Variants in NFX1 observed in about 807,000 individuals in gnomAD.
NFX1 encodes nuclear transcription factor, X-box binding 1.
In NFX1, 69 loss-of-function variants were observed where a neutral mutation model predicts 137.2. The ratio of observed to expected loss-of-function variants is 0.50; its 90% CI spans 0.41 to 0.61. The LOEUF (loss-of-function observed/expected upper bound fraction) is 0.61, where lower values mean the gene tolerates loss of function less well. Ranked by LOEUF, NFX1 falls within the 20% of genes least tolerant of loss-of-function variation. The pLI, the probability that NFX1 is intolerant of heterozygous loss-of-function variation, is 0.00. For missense variants in NFX1, 1,167 were observed against 1,391.0 expected (o/e 0.84, Z 2.56); for synonymous variants, 495 against 474.1 (o/e 1.04, Z -0.57).
chr9:33,349,968 C>A (rs1823575636), intron 15 of NFX1, among the ~76,000 whole-genome samples: 1 of 152,032 alleles, frequency 6.6e-6, no homozygotes, highest in African/African-American at 2.4e-5. Flanking sequence ...GATTGTGCAA[C>A]TGCCCTCCAG....
At chr9:33,309,278 A>C (rs1053349681) in intron 5 of NFX1, among the ~76,000 whole-genome samples, 1 of 151,696 alleles carries the variant, frequency 6.6e-6, no homozygotes, top group Non-Finnish European at 1.5e-5. Flanking sequence ...AATGGCGTGA[A>C]CCCGGGAGGC....
Position 33,354,203 on chromosome 9 carries a change from C to G in NFX1, c.2831+16C>G. On this transcript the variant is annotated intron_variant, in intron 18 of 23. Coordinates refer to ENST00000379540, the MANE Select transcript of NFX1 (RefSeq NM_002504.6). ...ATCAAGCCAGGTAATTTTTAAAATGCATATATGTGCCTTCTTTCTTCAATT... is the reference window on the plus strand; with the variant it reads ...ATCAAGCCAGGTAATTTTTAAAATGGATATATGTGCCTTCTTTCTTCAATT... 1.3e-6 allele frequency: 2 copies of G among 1,579,334 alleles called. No individual in the cohort carries two copies. Among genetic ancestry groups the G allele is most frequent in the Non-Finnish European group, 1.7e-6 (2 of 1,156,532 alleles).
At chr9:33,329,629 A>G (rs115754671) in intron 10 of NFX1, among the ~76,000 whole-genome samples, 1,507 of 140,604 alleles carry the variant, frequency 0.011, 19 homozygotes, top group African/African-American at 0.037. Flanking sequence ...GAAAGCCTGG[A>G]TGGTTTTTAT....
rs1408956520 is a variant in NFX1 at position 33,311,414 on chromosome 9, A to G, written c.1448+237A>G. 6.6e-5 allele frequency among the ~76,000 whole-genome samples: 10 copies of G among 152,374 alleles called. No individual in the cohort carries two copies. In the South Asian group the frequency reaches 1.9e-3, roughly 28 times the overall value. ...GGCAACTTGAGAGACCAAATGTGCC[A>G]TGGATAGTACTTTTCTGTAACTAGT... On this transcript the variant is annotated intron_variant, in intron 6 of 23. Coordinates refer to ENST00000379540, the MANE Select transcript of NFX1 (RefSeq NM_002504.6).
intron 16 of NFX1, 112 bp downstream of exon 16, chr9:33,351,902 T>C: frequency 1.0e-6 from 1 of 953,944 alleles, no homozygotes; most frequent in East Asian, 2.8e-5. Context: ...GGGTCATTGG[T>C]TGCAAATAAC....
Position 33,311,024 on chromosome 9 carries a change from C to T in NFX1, c.1377-82C>T, listed in dbSNP as rs1043719979. 4.3e-5 allele frequency: 54 copies of T among 1,252,828 alleles called. No homozygotes were observed. In the Middle Eastern group the frequency reaches 2.1e-3, roughly 49 times the overall value. The allele number at this position is 1,252,828 out of a possible 1,614,324, so 77.6% of individuals were successfully genotyped here. On this transcript the variant is annotated intron_variant, in intron 5 of 23. Transcript: ENST00000379540. The stretch of plus-strand genomic sequence containing the variant: ...TAGTAGATGTATTTGTTGCCATATT[C>T]ACAATAAGACCCAGCTGGGACAGCT...
At chr9:33,360,449 A>T (rs1037053046) in intron 19 of NFX1, among the ~76,000 whole-genome samples, 6 of 152,230 alleles carry the variant, frequency 3.9e-5, no homozygotes, top group African/African-American at 1.4e-4. Context: ...GGTACTCAGT[A>T]AATGTTATTG....
chr9:33,341,029 C>G (rs964152638), intron 12 of NFX1, among the ~76,000 whole-genome samples: 1 of 152,218 alleles, frequency 6.6e-6, no homozygotes, highest in African/African-American at 2.4e-5. Context: ...TGCCTGTTAC[C>G]CAGTTCCAAA....
At position 33,339,677 on chromosome 9, in the gene NFX1, G is replaced by A. The variant is rs564922982; in HGVS notation, c.2115+1088G>A. Among the ~76,000 whole-genome samples, 4 of 152,318 alleles carry A rather than the reference G, an allele frequency of 2.6e-5. No homozygotes were observed. In the South Asian group the frequency reaches 8.3e-4, roughly 32 times the overall value. On this transcript the variant is annotated intron_variant, in intron 12 of 23. Coordinates refer to ENST00000379540, the MANE Select transcript of NFX1 (RefSeq NM_002504.6). The stretch of plus-strand genomic sequence containing the variant: ...CATCCAAGACAAGGCAAGTCGCTTT[G>A]CCTATGAGCCTGTAAATTCAAAAGC...
chr9:33,307,392 G>C, intron 5 of NFX1, 93 bp downstream of exon 5: 18 of 1,058,628 alleles, frequency 1.7e-5, no homozygotes, highest in Non-Finnish European at 2.6e-5. Context: ...GTAATGGTTT[G>C]GGATGAAGGG....
chr9:33,293,098 G>A (rs12001617), intron 1 of NFX1, among the ~76,000 whole-genome samples: 2,796 of 152,134 alleles, frequency 0.018, 85 homozygotes, highest in African/African-American at 0.061. Flanking sequence ...TGTTTCTATG[G>A]TACCCACTGC....
At chr9:33,366,581 T>C in intron 21 of NFX1, 48 bp from the exon 22 acceptor site, 2 of 1,604,686 alleles carry the variant, frequency 1.2e-6, no homozygotes, top group Middle Eastern at 1.7e-4. Flanking sequence ...GTAAGCATTT[T>C]GTTTTCAGAA....
At position 33,309,351 on chromosome 9, in the gene NFX1, C is replaced by T. The variant is rs567017785; in HGVS notation, c.1377-1755C>T. ...CAGCCTGGGCTACAGAGCAAGACTC[C>T]GTCTCAGAGAAAAAAAAAAAAAACT... is the stretch of plus-strand genomic sequence containing the variant. On this transcript the variant is annotated intron_variant, in intron 5 of 23. Transcript: ENST00000379540. Among the ~76,000 whole-genome samples, 10 of 87,100 alleles carry T rather than the reference C, an allele frequency of 1.1e-4. No homozygotes were observed. The East Asian group carries it at 2.5e-3, about 21-fold the overall frequency. The allele number at this position is 87,100 out of a possible 152,430, so 57.1% of individuals were successfully genotyped here.
intron 5 of NFX1, among the ~76,000 whole-genome samples, chr9:33,309,632 A>G (rs1182431285): frequency 6.6e-6 from 1 of 152,044 alleles, no homozygotes; most frequent in Non-Finnish European, 1.5e-5. Flanking sequence ...ACTTGTTAGG[A>G]CTCAAAAGTG....
chr9:33,362,244 A>G (rs1824019378), intron 19 of NFX1, among the ~76,000 whole-genome samples: 1 of 152,198 alleles, frequency 6.6e-6, no homozygotes, highest in Non-Finnish European at 1.5e-5. Flanking sequence ...TAGAACTACC[A>G]TATGATCCAG....
intron 14 of NFX1, among the ~76,000 whole-genome samples, chr9:33,344,518 G>C (rs889739076): frequency 6.6e-6 from 1 of 152,168 alleles, no homozygotes; most frequent in African/African-American, 2.4e-5. Flanking sequence ...AAAATTAAAA[G>C]TGACTTTTTT....
At chr9:33,346,177 T>C (rs1294365031) in intron 14 of NFX1, among the ~76,000 whole-genome samples, 1 of 152,210 alleles carries the variant, frequency 6.6e-6, no homozygotes, top group Non-Finnish European at 1.5e-5. Flanking sequence ...CATACCAGCA[T>C]GAAGTACATG....
intron 11 of NFX1, among the ~76,000 whole-genome samples, chr9:33,334,207 T>C (rs1188394922): frequency 6.6e-6 from 1 of 152,076 alleles, no homozygotes; most frequent in African/African-American, 2.4e-5. Context: ...GTAATCCTTA[T>C]GCTTTGGGAG....
intron 21 of NFX1, chr9:33,365,058 G>T (rs1824129987): frequency 1.2e-5 from 13 of 1,048,862 alleles, no homozygotes; most frequent in Non-Finnish European, 1.6e-5. Flanking sequence ...CAGATCACTT[G>T]AGGTCAGGAG....
Sources: gnomAD v4.1 joint callset for allele counts (sites outside exome capture counted in the v4.1 genomes callset) on GRCh38, gnomAD v4.1.1 for gene constraint, MANE v1.5 for transcripts, NCBI Gene and HGNC (gene_info 2026-07-23, HGNC 2026-07-21) for gene names.